The following TUBGCP4 variants were observed in gnomAD, a reference collection of about 807,000 sequenced individuals.
TUBGCP4 encodes tubulin gamma complex component 4.
TUBGCP4 carries 54 observed loss-of-function variants against 91.6 expected under a neutral mutation model. That is an observed-to-expected ratio of 0.59 (90% CI 0.47 to 0.74). The LOEUF (loss-of-function observed/expected upper bound fraction) is 0.74, where lower values mean the gene tolerates loss of function less well. TUBGCP4 is among the 30% of genes least tolerant of loss of function. The probability of loss-of-function intolerance (pLI) is 0.00; values close to 1 mark genes in which losing one functional copy is unlikely to be tolerated. For missense variants in TUBGCP4, 593 were observed against 800.9 expected, an observed-to-expected ratio of 0.74 and a Z score of 3.13; for synonymous variants, 297 against 302.8, an observed-to-expected ratio of 0.98 and a Z score of 0.20.
intron 1 of TUBGCP4, among the ~76,000 whole-genome samples, chr15:43,373,797 T>C (rs2044159988): frequency 6.6e-6 from 1 of 152,074 alleles, no homozygotes; most frequent in South Asian, 2.1e-4. Flanking sequence ...TACAGGCGCC[T>C]GCCGCCACAC....
intron 5 of TUBGCP4, 22 bp from the exon 6 acceptor site, chr15:43,380,062 G>T: frequency 1.9e-6 from 3 of 1,613,006 alleles, no homozygotes; most frequent in South Asian, 1.1e-5. Flanking sequence ...AATCCAGTTT[G>T]ACAAGGCCGT....
At position 43,409,405 on chromosome 15, in the gene TUBGCP4, C is replaced by T. The variant is rs2045037316; in HGVS notation, c.*4191C>T. 3 of 541,124 alleles carry T rather than the reference C, an allele frequency of 5.5e-6. No homozygotes were observed. Among genetic ancestry groups the T allele is most frequent in the Non-Finnish European group, 9.8e-6 (3 of 306,224 alleles). The allele number at this position is 541,124 out of a possible 1,614,324, so 33.5% of individuals were successfully genotyped here. A position where few individuals can be genotyped will look rare whatever the true frequency, so the allele number is the denominator to read the frequency against. ...AGGGGTTTCTACTACTAAACATAAA[C>T]ATCAATCTTCTTTTGTCCCAGCAAC... On this transcript the variant is annotated 3_prime_UTR_variant, in exon 18 of 18. Transcript: ENST00000564079.
At chr15:43,373,222 G>C (rs987478532) in intron 1 of TUBGCP4, among the ~76,000 whole-genome samples, 2 of 152,004 alleles carry the variant, frequency 1.3e-5, no homozygotes, top group African/African-American at 4.8e-5. Flanking sequence ...AAATCAATAA[G>C]TTCAAATGAC....
chr15:43,388,869 GT>G (rs1174663448), intron 9 of TUBGCP4, among the ~76,000 whole-genome samples: 1 of 152,120 alleles, frequency 6.6e-6, no homozygotes, highest in Non-Finnish European at 1.5e-5. Flanking sequence ...GTAAATATGT[GT>G]TATATTTATC....
chr15:43,388,547 T>C (rs2044418273), intron 9 of TUBGCP4, among the ~76,000 whole-genome samples: 1 of 152,216 alleles, frequency 6.6e-6, no homozygotes, highest in South Asian at 2.1e-4. Context: ...TTGGTATCAG[T>C]TCCTTTCATT....
At chr15:43,390,967 C>T (rs2044456821) in intron 9 of TUBGCP4, among the ~76,000 whole-genome samples, 1 of 152,066 alleles carries the variant, frequency 6.6e-6, no homozygotes. Context: ...AGGTGCATGC[C>T]ACCATGCCCA....
intron 10 of TUBGCP4, 134 bp downstream of exon 10, chr15:43,395,291 G>A: frequency 1.0e-6 from 1 of 983,616 alleles, no homozygotes; most frequent in Non-Finnish European, 1.6e-6. Context: ...ATCCAAGTGA[G>A]CAAACTATAC....
At chr15:43,397,955 A>T in intron 12 of TUBGCP4, 86 bp from the exon 13 acceptor site, 1 of 1,388,480 alleles carries the variant, frequency 7.2e-7, no homozygotes, top group Non-Finnish European at 9.8e-7. Context: ...CTCTAGTTTC[A>T]TTAATGTTAT....
Position 43,408,838 on chromosome 15 carries a change from C to T in TUBGCP4, c.*3624C>T. On this transcript the variant is annotated 3_prime_UTR_variant, in exon 18 of 18. Coordinates refer to ENST00000564079, the MANE Select transcript of TUBGCP4 (RefSeq NM_014444.5). Reference sequence around the variant, plus strand: ...TTTACTCTCTCACCTAGATTCTCTTCCCTCCAAAGCTTGCTGTCCTCCTGC... The same window carrying T: ...TTTACTCTCTCACCTAGATTCTCTTTCCTCCAAAGCTTGCTGTCCTCCTGC... 2.0e-6 allele frequency: 3 copies of T among 1,537,596 alleles called. No homozygotes were observed. The highest frequency in any genetic ancestry group is 2.2e-5 in the South Asian group (2 of 89,054).
intron 9 of TUBGCP4, among the ~76,000 whole-genome samples, chr15:43,392,120 A>ACACACG (rs1555395402): frequency 6.8e-6 from 1 of 146,096 alleles, no homozygotes; most frequent in East Asian, 2.0e-4. Flanking sequence ...ACACACACAC[A>ACACACG]TATTTTTTTT....
chr15:43,401,631 T>C, intron 14 of TUBGCP4, 85 bp from the exon 15 acceptor site: 1 of 1,448,696 alleles, frequency 6.9e-7, no homozygotes, highest in Non-Finnish European at 9.5e-7. Context: ...AGGCAAAGCA[T>C]TTTCATTTCA....
chr15:43,395,365 ATAATT>A, intron 10 of TUBGCP4: 1 of 661,478 alleles, frequency 1.5e-6, no homozygotes, highest in Non-Finnish European at 2.7e-6. Context: ...GCATATATAT[ATAATT>A]ATGTTGCTAT....
chr15:43,378,814 A>G (rs954879916), intron 5 of TUBGCP4, among the ~76,000 whole-genome samples: 5 of 152,228 alleles, frequency 3.3e-5, no homozygotes, highest in Non-Finnish European at 7.3e-5. Flanking sequence ...ACAATCCACT[A>G]AAGGGCTAAG....
chr15:43,398,338 G>A, intron 13 of TUBGCP4, 159 bp downstream of exon 13: 1 of 694,724 alleles, frequency 1.4e-6, no homozygotes, highest in Non-Finnish European at 2.2e-6. Context: ...TTAAGCCCAG[G>A]ATTTCAAATC....
At position 43,408,169 on chromosome 15, in the gene TUBGCP4, T is replaced by C. The variant is rs1446710176; in HGVS notation, c.*2955T>C. 8 of 1,382,860 alleles carry C rather than the reference T, an allele frequency of 5.8e-6. No homozygotes were observed. The highest frequency in any genetic ancestry group is 7.0e-6 in the Non-Finnish European group (7 of 1,006,158). 85.7% of individuals were successfully genotyped at this position (1,382,860 alleles called of 1,614,324 possible). The stretch of plus-strand genomic sequence containing the variant: ...CTTTCTGCAAAGGGACTCATGTACA[T>C]CTGAATGCTTTCAAAAATAAATGCC... On this transcript the variant is annotated 3_prime_UTR_variant, in exon 18 of 18. Transcript: ENST00000564079.
At chr15:43,403,469 T>C (rs1595503711) in intron 15 of TUBGCP4, 1 of 498,688 alleles carries the variant, frequency 2.0e-6, no homozygotes, top group Non-Finnish European at 3.6e-6. Flanking sequence ...GCTAAGAGAG[T>C]AATACTCGCT....
intron 17 of TUBGCP4, chr15:43,404,877 TTGCTGGTCCCTAGCTTCCGCATC>T: frequency 2.0e-6 from 1 of 489,568 alleles, no homozygotes; most frequent in Non-Finnish European, 3.6e-6. Context: ...GCACCCCGCC[TTGCTGGTCCCTAGCTTCCGCATC>T]TGTGAAAGGA....
rs1018435764 is a variant in TUBGCP4 at position 43,371,507 on chromosome 15, C to T, written c.78+75C>T. The T allele has an allele frequency of 5.5e-6, 8 of 1,467,286 alleles. No individual in the cohort carries two copies. The African/African-American group carries it at 1.1e-4, about 20-fold the overall frequency. 90.9% of individuals were successfully genotyped at this position (1,467,286 alleles called of 1,614,324 possible). A position where few individuals can be genotyped will look rare whatever the true frequency, so the allele number is the denominator to read the frequency against. On this transcript the variant is annotated intron_variant, in intron 1 of 17. Transcript: ENST00000564079. ...CTGAGCCAGCGCCTGGGGGAGTAGG[C>T]TGAGGGACCTAGCGAGCGGGGCTTC...
chr15:43,371,200 C>A lies in TUBGCP4; in HGVS notation c.-155C>A. The stretch of plus-strand genomic sequence containing the variant: ...CCCCTTCCCAGCTTCCCGTCCGCTC[C>A]GCCGCAGCGATTGTCTCGGTGGGTT... On this transcript the variant is annotated 5_prime_UTR_variant, in exon 1 of 18. Coordinates refer to ENST00000564079, the MANE Select transcript of TUBGCP4 (RefSeq NM_014444.5). The A allele has an allele frequency of 1.3e-6, 1 of 744,686 alleles. No individual in the cohort carries two copies. The highest frequency in any genetic ancestry group is 2.2e-6 in the Non-Finnish European group (1 of 452,810). 46.1% of individuals were successfully genotyped at this position (744,686 alleles called of 1,614,324 possible).
Sources: allele counts gnomAD v4.1 joint callset (sites outside exome capture counted in the v4.1 genomes callset), GRCh38; gene constraint gnomAD v4.1.1; transcripts MANE v1.5; gene names NCBI Gene and HGNC (gene_info 2026-07-23, HGNC 2026-07-21).